Variants in HYCC1 observed in about 807,000 individuals in gnomAD.
HYCC1 encodes hyccin.
At chr7:22,934,937 T>A in the HYCC1 span, 1 of 152,240 alleles carries the variant, frequency 6.6e-6, no homozygotes, top group Middle Eastern at 3.1e-3. Flanking sequence ...GTTGTTTATA[T>A]AGTTTACAAA....
chr7:22,972,397 G>A, the HYCC1 span, among the ~76,000 whole-genome samples: 2 of 152,220 alleles, frequency 1.3e-5, no homozygotes, highest in Admixed American at 1.3e-4. Flanking sequence ...TCCATATCCA[G>A]GTTCGTCAGT....
chr7:22,958,833 T>C, the HYCC1 span, among the ~76,000 whole-genome samples: 2 of 152,128 alleles, frequency 1.3e-5, no homozygotes, highest in Admixed American at 6.6e-5. Context: ...ATTCCCAATA[T>C]GTCTACCTAA....
chr7:22,900,325 A>T, the HYCC1 span, among the ~76,000 whole-genome samples: 4 of 152,126 alleles, frequency 2.6e-5, no homozygotes, highest in Non-Finnish European at 5.9e-5. Flanking sequence ...CTTTGTATTC[A>T]CCCTCCTTCT....
chr7:22,930,252 T>A, the HYCC1 span, among the ~76,000 whole-genome samples: 42 of 147,428 alleles, frequency 2.8e-4, no homozygotes, highest in Admixed American at 1.6e-3. Context: ...AAATGATGAG[T>A]TAATGGGTGC....
chr7:22,976,212 T>G, the HYCC1 span: 2 of 1,599,028 alleles, frequency 1.3e-6, no homozygotes, highest in Non-Finnish European at 1.7e-6. Context: ...TACTTTACCT[T>G]GAACAAATTT....
the HYCC1 span, among the ~76,000 whole-genome samples, chr7:22,923,672 C>A: frequency 5.9e-5 from 9 of 152,096 alleles, no homozygotes; most frequent in African/African-American, 1.2e-4. Flanking sequence ...AAGATTAAGA[C>A]AAGACTCATG....
chr7:23,000,497 A>T, the HYCC1 span, among the ~76,000 whole-genome samples: 1 of 152,100 alleles, frequency 6.6e-6, no homozygotes, highest in African/African-American at 2.4e-5. Flanking sequence ...TTATATTTTG[A>T]TTTTAACATA....
the HYCC1 span, among the ~76,000 whole-genome samples, chr7:22,998,954 C>G: frequency 6.6e-6 from 1 of 152,162 alleles, no homozygotes; most frequent in African/African-American, 2.4e-5. Flanking sequence ...CTATGCTTCT[C>G]TTCTCTACCT....
the HYCC1 span, among the ~76,000 whole-genome samples, chr7:22,927,346 A>G: frequency 6.6e-6 from 1 of 150,944 alleles, no homozygotes; most frequent in Non-Finnish European, 1.5e-5. Flanking sequence ...GCAGAACTGA[A>G]GGAAATAGAG....
the HYCC1 span, among the ~76,000 whole-genome samples, chr7:22,982,507 T>C: frequency 3.3e-5 from 5 of 152,204 alleles, no homozygotes; most frequent in African/African-American, 1.2e-4. Flanking sequence ...TAGATCCATA[T>C]TGGACTGGAC....
the HYCC1 span, among the ~76,000 whole-genome samples, chr7:22,981,621 C>T: frequency 6.6e-6 from 1 of 152,062 alleles, no homozygotes; most frequent in Non-Finnish European, 1.5e-5. Flanking sequence ...ACCAATGCTT[C>T]GGAAAGTGTG....
chr7:22,948,212 T>G, the HYCC1 span, among the ~76,000 whole-genome samples: 2 of 152,232 alleles, frequency 1.3e-5, no homozygotes, highest in Admixed American at 1.3e-4. Flanking sequence ...CATAAGACTA[T>G]GTAAAACAGC....
chr7:22,941,016 G>C, the HYCC1 span: 1 of 152,076 alleles, frequency 6.6e-6, no homozygotes, highest in Non-Finnish European at 1.5e-5. Context: ...TCCGCCACTG[G>C]TGCATGGCCC....
chr7:22,913,252 G>A, the HYCC1 span, among the ~76,000 whole-genome samples: 1 of 152,230 alleles, frequency 6.6e-6, no homozygotes, highest in Admixed American at 6.5e-5. Flanking sequence ...AGCAATTTAT[G>A]CCCCAGGGCA....
the HYCC1 span, among the ~76,000 whole-genome samples, chr7:22,898,146 A>G: frequency 4.6e-5 from 7 of 151,940 alleles, no homozygotes; most frequent in African/African-American, 1.7e-4. Flanking sequence ...CCCAGGCTCA[A>G]GCCATCCTCC....
At chr7:22,997,682 G>A in the HYCC1 span, among the ~76,000 whole-genome samples, 1 of 152,276 alleles carries the variant, frequency 6.6e-6, no homozygotes, top group Admixed American at 6.5e-5. Context: ...AAGTGTTGAT[G>A]CCTCACTGCC....
the HYCC1 span, among the ~76,000 whole-genome samples, chr7:22,952,054 A>G: frequency 2.0e-5 from 3 of 151,958 alleles, no homozygotes; most frequent in Non-Finnish European, 4.4e-5. Flanking sequence ...TCACTTATTC[A>G]TGCATTCAAC....
the HYCC1 span, among the ~76,000 whole-genome samples, chr7:23,003,677 T>C: frequency 6.6e-6 from 1 of 152,200 alleles, no homozygotes; most frequent in Non-Finnish European, 1.5e-5. Flanking sequence ...GAGAATCAAA[T>C]TCCAACTAAG....
chr7:23,004,412 G>C, the HYCC1 span, among the ~76,000 whole-genome samples: 1 of 151,982 alleles, frequency 6.6e-6, no homozygotes, highest in Non-Finnish European at 1.5e-5. Flanking sequence ...AAATTCTTTG[G>C]AGCTCTATAA....
Sources: gnomAD v4.1 joint callset for allele counts (sites outside exome capture counted in the v4.1 genomes callset) on GRCh38, gnomAD v4.1.1 for gene constraint, MANE v1.5 for transcripts, NCBI Gene and HGNC (gene_info 2026-07-23, HGNC 2026-07-21) for gene names.